SGCD: variants seen among roughly 807,000 people sequenced by gnomAD.
The protein encoded by SGCD is sarcoglycan delta.
Under a neutral mutation model 36.6 loss-of-function variants are expected in SGCD, and 18 were observed. The ratio of observed to expected loss-of-function variants is 0.49; its 90% CI spans 0.34 to 0.73. The LOEUF (loss-of-function observed/expected upper bound fraction) is 0.73. Ranked by LOEUF, SGCD falls within the 30% of genes least tolerant of loss-of-function variation. SGCD has a pLI of 0.01. For synonymous variants in SGCD, 133 were observed against 130.6 expected (o/e 1.02, Z -0.12); for missense variants, 387 against 346.7 (o/e 1.12, Z -0.92).
At chr5:156,476,584 A>G (rs561074707) in intron 3 of SGCD, among the ~76,000 whole-genome samples, 2 of 152,258 alleles carry the variant, frequency 1.3e-5, no homozygotes, top group Non-Finnish European at 2.9e-5. Flanking sequence ...TAGAAGAATT[A>G]TATCTGAAAC....
chr5:156,383,360 C>T (rs1156761092), intron 3 of SGCD, among the ~76,000 whole-genome samples: 6 of 152,050 alleles, frequency 3.9e-5, no homozygotes, highest in South Asian at 2.1e-4. Context: ...AAAAATTACC[C>T]GGGCGTGCAG....
At chr5:155,728,778 C>G in the SGCD span, among the ~76,000 whole-genome samples, 1 of 152,178 alleles carries the variant, frequency 6.6e-6, no homozygotes, top group Non-Finnish European at 1.5e-5. Flanking sequence ...CCGCCGCAGC[C>G]TGCGCCAGAC....
At chr5:156,032,706 C>CAAAA (rs1171072619) in intron 1 of SGCD, among the ~76,000 whole-genome samples, 490 of 15,032 alleles carry the variant, frequency 0.033, 104 homozygotes, top group Non-Finnish European at 0.042. Flanking sequence ...GACTCCGTCT[C>CAAAA]AAAAAAAAAA....
chr5:155,883,793 C>CCA (rs1755940170), intron 1 of SGCD, among the ~76,000 whole-genome samples: 1 of 83,524 alleles, frequency 1.2e-5, no homozygotes, highest in Admixed American at 1.3e-4. Context: ...CTTCAATTTG[C>CCA]AAAAAAAAAA....
At chr5:155,869,860 G>A (rs2113272151), upstream of SGCD, among the ~76,000 whole-genome samples, 1 of 152,226 alleles carries the variant, frequency 6.6e-6, no homozygotes, top group South Asian at 2.1e-4. Context: ...TTAGCTGGAT[G>A]TGGCGGTGCA....
chr5:156,261,587 T>C (rs943416054), intron 3 of SGCD, among the ~76,000 whole-genome samples: 1 of 152,250 alleles, frequency 6.6e-6, no homozygotes, highest in Non-Finnish European at 1.5e-5. Context: ...CTATACTATA[T>C]ACTTTTTATC....
chr5:155,917,753 C>T (rs1420959520), intron 1 of SGCD, among the ~76,000 whole-genome samples: 1 of 152,102 alleles, frequency 6.6e-6, no homozygotes, highest in African/African-American at 2.4e-5. Context: ...CCAAGAGTTT[C>T]CACCTCTACA....
chr5:156,209,145 G>T (rs1248476917), intron 3 of SGCD, among the ~76,000 whole-genome samples: 2 of 152,132 alleles, frequency 1.3e-5, no homozygotes, highest in African/African-American at 4.8e-5. Flanking sequence ...CATGAGCAAA[G>T]CCTGCAACCC....
At chr5:156,095,372 A>T (rs2127595340) in intron 1 of SGCD, among the ~76,000 whole-genome samples, 1 of 152,344 alleles carries the variant, frequency 6.6e-6, no homozygotes, top group East Asian at 1.9e-4. Flanking sequence ...CTGAAGGGCA[A>T]CAAGTGAGAT....
chr5:156,148,620 A>G (rs901582163), intron 3 of SGCD, among the ~76,000 whole-genome samples: 1 of 152,094 alleles, frequency 6.6e-6, no homozygotes, highest in Admixed American at 6.6e-5. Flanking sequence ...GGTTGTTCTC[A>G]CCATCCAATA....
intron 1 of SGCD, among the ~76,000 whole-genome samples, chr5:155,904,070 C>T (rs1432734): frequency 0.17 from 26,523 of 152,152 alleles, 2,985 homozygotes; most frequent in Admixed American, 0.39. Context: ...TCACTGTGCA[C>T]ATCTGTGAGG....
intron 7 of SGCD, among the ~76,000 whole-genome samples, chr5:156,718,289 A>C (rs773469645): frequency 3.0e-4 from 45 of 152,128 alleles, no homozygotes; most frequent in Non-Finnish European, 4.9e-4. Flanking sequence ...ACACCCTTTC[A>C]AGCTGAATCC....
intron 3 of SGCD, among the ~76,000 whole-genome samples, chr5:156,470,476 A>C (rs1474333396): frequency 6.6e-6 from 1 of 151,868 alleles, no homozygotes. Context: ...TATATCTCCT[A>C]ATGCTATCCC....
chr5:156,191,444 A>G (rs1763892219), intron 3 of SGCD, among the ~76,000 whole-genome samples: 1 of 152,140 alleles, frequency 6.6e-6, no homozygotes, highest in African/African-American at 2.4e-5. Flanking sequence ...AGTTTCTAGG[A>G]TGACTCTAAG....
At chr5:155,917,519 A>T (rs139243058) in intron 1 of SGCD, among the ~76,000 whole-genome samples, 1 of 152,334 alleles carries the variant, frequency 6.6e-6, no homozygotes, top group Non-Finnish European at 1.5e-5. Context: ...CAAATAAAGA[A>T]TATGTTTTCA....
intron 3 of SGCD, among the ~76,000 whole-genome samples, chr5:156,279,991 A>T (rs1302975881): frequency 6.6e-6 from 1 of 152,006 alleles, no homozygotes; most frequent in Non-Finnish European, 1.5e-5. Context: ...ACAAACACAC[A>T]CACACACACA....
chr5:155,933,012 A>G (rs575305707), intron 1 of SGCD, among the ~76,000 whole-genome samples: 110 of 152,328 alleles, frequency 7.2e-4, no homozygotes, highest in African/African-American at 2.5e-3. Flanking sequence ...CATTTTATAA[A>G]TAAGGAAACA....
chr5:156,647,422 C>A lies in SGCD; in HGVS notation c.503-42C>A, dbSNP rs570898631. 2.8e-6 allele frequency: 4 copies of A among 1,405,962 alleles called. No homozygotes were observed. In the South Asian group the frequency reaches 3.7e-5, roughly 13 times the overall value. The allele number at this position is 1,405,962 out of a possible 1,614,324, so 87.1% of individuals were successfully genotyped here. A position where few individuals can be genotyped will look rare whatever the true frequency, so the allele number is the denominator to read the frequency against. On this transcript the variant is annotated intron_variant, in intron 6 of 8. Transcript: ENST00000337851. ...TGCTGATTGTGCCTACAGGTGACTC[C>A]AGTATCTCCAATCTCTGTTTGCTTT... is the stretch of plus-strand genomic sequence containing the variant.
At chr5:156,000,799 C>CACATAT (rs1554110713) in intron 1 of SGCD, among the ~76,000 whole-genome samples, 1 of 145,212 alleles carries the variant, frequency 6.9e-6, no homozygotes, top group African/African-American at 2.7e-5. Context: ...TTTCCTCACA[C>CACATAT]ATATATATAT....
Sources: gnomAD v4.1 joint callset for allele counts (sites outside exome capture counted in the v4.1 genomes callset) on GRCh38, gnomAD v4.1.1 for gene constraint, MANE v1.5 for transcripts, NCBI Gene and HGNC (gene_info 2026-07-23, HGNC 2026-07-21) for gene names.